TMEM158: variants seen among roughly 807,000 people sequenced by gnomAD.
The protein encoded by TMEM158 is 40 kDa BINP-binding protein.
In TMEM158, 7 loss-of-function variants were observed where a neutral mutation model predicts 12.0. The ratio of observed to expected loss-of-function variants is 0.59; its 90% CI spans 0.33 to 1.10. The LOEUF (loss-of-function observed/expected upper bound fraction) is 1.10, where lower values mean the gene tolerates loss of function less well. TMEM158 is among the 50% of genes least tolerant of loss of function. The pLI is 0.03. For synonymous variants in TMEM158, 209 were observed against 231.1 expected (o/e 0.90, Z 0.87); for missense variants, 405 against 454.7 (o/e 0.89, Z 0.99).
Position 45,225,536 on chromosome 3 carries a change from G to A in TMEM158, c.492C>T (p.Ser164=). 1 of 1,026,318 alleles carries A rather than the reference G, an allele frequency of 9.7e-7. No homozygotes were observed. The highest frequency in any genetic ancestry group is 1.2e-6 in the Non-Finnish European group (1 of 858,132). 63.6% of individuals were successfully genotyped at this position (1,026,318 alleles called of 1,614,324 possible). The change falls in exon 1 of 1, where the codon AGC becomes AGT. Residue 164 remains serine (S), a synonymous_variant. Transcript: ENST00000503771. This position sits in a 1 kb window ranked among gnomAD's most constrained non-coding sequence, Gnocchi z 5.7. ...TGRLRPAAAP[S]AAAATAGAPT... Reference sequence around the variant, plus strand: ...GCGCCCCGGCGGTGGCGGCGGCGGCGCTGGGGGCGGCGGCGGGCCGGAGGC... The same window carrying A: ...GCGCCCCGGCGGTGGCGGCGGCGGCACTGGGGGCGGCGGCGGGCCGGAGGC...
In TMEM158 at chr3:45,225,220, G is replaced by A; in HGVS notation, c.808C>T (p.Pro270Ser). Residue 270 changes from proline (P) to serine (S), a missense_variant, in exon 1 of 1, where the codon CCC (proline) becomes TCC (serine). Pro to Ser is a moderately conservative substitution (Grantham distance 74). Coordinates refer to ENST00000503771, the MANE Select transcript of TMEM158 (RefSeq NM_015444.3). This position sits in a 1 kb window ranked among gnomAD's most constrained non-coding sequence, Gnocchi z 5.7. ...RTTASTTAATPAAVPAGTTAA... is the reference protein window; with the variant it reads ...RTTASTTAATSAAVPAGTTAA... ...GTGGTCCCTGCGGGCACTGCGGCGG[G>A]GGTGGCTGCGGTGGTGCTGGCGGTG... 3 of 1,301,274 alleles carry A rather than the reference G, an allele frequency of 2.3e-6. No individual in the cohort carries two copies. Among genetic ancestry groups the A allele is most frequent in the Non-Finnish European group, 2.9e-6 (3 of 1,019,372 alleles). The allele number at this position is 1,301,274 out of a possible 1,614,324, so 80.6% of individuals were successfully genotyped here.
At position 45,225,147 on chromosome 3, in the gene TMEM158, G is replaced by T; in HGVS notation, c.881C>A (p.Thr294Asn). Reference sequence around the variant, plus strand: ...GGGTCACTTGGTCGCCACCCCCGAAGTGACGGCCGCGGCGGCGGCGGCAGC... The same window carrying T: ...GGGTCACTTGGTCGCCACCCCCGAATTGACGGCCGCGGCGGCGGCGGCAGC... ...AAAAAAAAAV[T>N]SGVATK The change falls in exon 1 of 1, where the codon ACT becomes AAT. Residue 294 changes from threonine to asparagine, a missense_variant. Transcript: ENST00000503771. This position sits in a 1 kb window ranked among gnomAD's most constrained non-coding sequence, Gnocchi z 5.7. 7.9e-7 allele frequency: 1 copy of T among 1,260,872 alleles called. No homozygotes were observed. 78.1% of individuals were successfully genotyped at this position (1,260,872 alleles called of 1,614,324 possible). A position where few individuals can be genotyped will look rare whatever the true frequency, so the allele number is the denominator to read the frequency against.
chr3:45,225,110 G>A lies in TMEM158; in HGVS notation c.*15C>T, dbSNP rs543436539. 7.2e-6 allele frequency: 9 copies of A among 1,248,826 alleles called. No homozygotes were observed. Among genetic ancestry groups the A allele is most frequent in the African/African-American group, 1.6e-5 (1 of 64,112 alleles). The allele number at this position is 1,248,826 out of a possible 1,614,324, so 77.4% of individuals were successfully genotyped here. On this transcript the variant is annotated 3_prime_UTR_variant, in exon 1 of 1. Transcript: ENST00000503771. The surrounding 1 kb of genome is among the most constrained non-coding windows in gnomAD (Gnocchi z 5.7). ...CGCGCGGACACAGGACGGACACAGG[G>A]AGGAGCGGAGCGGGTCACTTGGTCG...
Position 45,226,139 on chromosome 3 carries a change from C to G in TMEM158, c.-112G>C, listed in dbSNP as rs893003335. ...CGGGAGCCGGCGGCCGGGCGCAGTG[C>G]GGGCGCGCCGGGCGCCTGCCAAGCC... On this transcript the variant is annotated 5_prime_UTR_variant, in exon 1 of 1. Transcript: ENST00000503771. The G allele has an allele frequency of 1.0e-6, 1 of 979,592 alleles. No homozygotes were observed. Among genetic ancestry groups the G allele is most frequent in the Non-Finnish European group, 1.2e-6 (1 of 827,206 alleles). The allele number at this position is 979,592 out of a possible 1,614,324, so 60.7% of individuals were successfully genotyped here.
Position 45,224,995 on chromosome 3 carries a change from C to G in TMEM158, c.*130G>C, listed in dbSNP as rs1477682536. The G allele has an allele frequency of 8.4e-7, 1 of 1,188,410 alleles. No homozygotes were observed. Among genetic ancestry groups the G allele is most frequent in the Non-Finnish European group, 1.0e-6 (1 of 959,266 alleles). The allele number at this position is 1,188,410 out of a possible 1,614,324, so 73.6% of individuals were successfully genotyped here. A position where few individuals can be genotyped will look rare whatever the true frequency, so the allele number is the denominator to read the frequency against. On this transcript the variant is annotated 3_prime_UTR_variant, in exon 1 of 1. Coordinates refer to ENST00000503771, the MANE Select transcript of TMEM158 (RefSeq NM_015444.3). ...CCTTGCTTTTCAAAGGCGCTGGGGT[C>G]TCTCGGCGGCCCCATCTCGGGAAGA...
rs371059509 is a variant in TMEM158, at chr3:45,225,395, C to T, written c.633G>A (p.Pro211=). The T allele has an allele frequency of 6.7e-7, 1 of 1,489,864 alleles. No individual in the cohort carries two copies. Among genetic ancestry groups the T allele is most frequent in the Non-Finnish European group, 9.0e-7 (1 of 1,113,004 alleles). The allele number at this position is 1,489,864 out of a possible 1,614,324, so 92.3% of individuals were successfully genotyped here. A position where few individuals can be genotyped will look rare whatever the true frequency, so the allele number is the denominator to read the frequency against. ...DFSLEELQGE[P]GWRLNRKPIE... is the part of the protein sequence containing the mutation. The stretch of plus-strand genomic sequence containing the variant: ...TGGGCTTACGGTTCAGCCGCCAGCC[C>T]GGCTCGCCCTGCAGCTCCTCCAGGC... Residue 211 remains proline, a synonymous_variant, in exon 1 of 1, where the codon CCG becomes CCA. Coordinates refer to ENST00000503771, the MANE Select transcript of TMEM158 (RefSeq NM_015444.3). The surrounding 1 kb of genome is among the most constrained non-coding windows in gnomAD (Gnocchi z 5.7).
rs1700155915 is a variant in TMEM158, at chr3:45,225,958, CCGCGGCCCCGCCG to C, written c.57_69del (p.Gly20ThrfsTer60). 1 of 1,128,132 alleles carries C rather than the reference CCGCGGCCCCGCCG, an allele frequency of 8.9e-7. No homozygotes were observed. The highest frequency in any genetic ancestry group is 1.1e-6 in the Non-Finnish European group (1 of 924,204). 69.9% of individuals were successfully genotyped at this position (1,128,132 alleles called of 1,614,324 possible). Reference sequence around the variant, plus strand: ...GGCACCCCGAGGAGGCCGGGCGCGTCCGCGGCCCCGCCGCGGACGGGCGGCAGCGGGCAGGCGG... The same window carrying C: ...GGCACCCCGAGGAGGCCGGGCGCGTCCGGACGGGCGGCAGCGGGCAGGCGG... On this transcript the variant is annotated frameshift_variant, in exon 1 of 1. Transcript: ENST00000503771. LOFTEE classifies it high-confidence loss of function. This position sits in a 1 kb window ranked among gnomAD's most constrained non-coding sequence, Gnocchi z 5.7.
Position 45,225,331 on chromosome 3 carries a change from T to G in TMEM158, c.697A>C (p.Ile233Leu). Residue 233 changes from isoleucine to leucine, a missense_variant, in exon 1 of 1, where the codon ATC becomes CTC. Physicochemically the swap from Ile to Leu is conservative, Grantham distance 5. Coordinates refer to ENST00000503771, the MANE Select transcript of TMEM158 (RefSeq NM_015444.3). The surrounding 1 kb of genome is among the most constrained non-coding windows in gnomAD (Gnocchi z 5.7). Reference sequence around the variant, plus strand: ...AGGGCGGCCACGCTCCACACCACGATGACCAGGGTCATGAAGCAGGCCACC... The same window carrying G: ...AGGGCGGCCACGCTCCACACCACGAGGACCAGGGTCATGAAGCAGGCCACC... ...TLVACFMTLV[I>L]VVWSVAALIW... The G allele has an allele frequency of 6.6e-7, 1 of 1,522,088 alleles. No individual in the cohort carries two copies. 94.3% of individuals were successfully genotyped at this position (1,522,088 alleles called of 1,614,324 possible).
rs767502076 is a variant in TMEM158, at chr3:45,225,762, C to A, written c.266G>T (p.Arg89Leu). Residue 89 changes from arginine to leucine, a missense_variant, in exon 1 of 1, where the codon CGC becomes CTC. By Grantham distance (102) the Arg-to-Leu change is moderately radical. Coordinates refer to ENST00000503771, the MANE Select transcript of TMEM158 (RefSeq NM_015444.3). The surrounding 1 kb of genome is among the most constrained non-coding windows in gnomAD (Gnocchi z 5.7). ...QRQMLSSLLV[R>L]WGRPRGFQCD... ...CTGGAAGCCCCGCGGGCGGCCCCAG[C>A]GCACGAGCAGCGAGCTCAGCATCTG... is the stretch of plus-strand genomic sequence containing the variant. 2.8e-6 allele frequency: 4 copies of A among 1,430,458 alleles called. No individual in the cohort carries two copies. The South Asian group carries it at 4.0e-5, about 14-fold the overall frequency. 88.6% of individuals were successfully genotyped at this position (1,430,458 alleles called of 1,614,324 possible).
Position 45,225,611 on chromosome 3 carries a change from G to T in TMEM158, c.417C>A (p.Asp139Glu). ...LGLAAGGAQQDLRLCVGCGWV... is the reference protein window; with the variant it reads ...LGLAAGGAQQELRLCVGCGWV... ...AGCCGCAGCCCACGCAGAGGCGCAG[G>T]TCCTGCTGCGCGCCGCCCGCCGCCA... The change falls in exon 1 of 1, where the codon GAC (aspartate) becomes GAA (glutamate). Residue 139 changes from aspartate to glutamate, a missense_variant. Coordinates refer to ENST00000503771, the MANE Select transcript of TMEM158 (RefSeq NM_015444.3). This position sits in a 1 kb window ranked among gnomAD's most constrained non-coding sequence, Gnocchi z 5.7. The T allele has an allele frequency of 7.3e-7, 1 of 1,372,188 alleles. No individual in the cohort carries two copies. Among genetic ancestry groups the T allele is most frequent in the Non-Finnish European group, 9.4e-7 (1 of 1,058,440 alleles). The allele number at this position is 1,372,188 out of a possible 1,614,324, so 85.0% of individuals were successfully genotyped here.
Position 45,225,968 on chromosome 3 carries a change from GCCGCGGAC to G in TMEM158, c.52_59del (p.Val18ArgfsTer198). 2 of 1,090,082 alleles carry G rather than the reference GCCGCGGAC, an allele frequency of 1.8e-6. No individual in the cohort carries two copies. The highest frequency in any genetic ancestry group is 2.2e-6 in the Non-Finnish European group (2 of 896,036). The allele number at this position is 1,090,082 out of a possible 1,614,324, so 67.5% of individuals were successfully genotyped here. A position where few individuals can be genotyped will look rare whatever the true frequency, so the allele number is the denominator to read the frequency against. On this transcript the variant is annotated frameshift_variant, in exon 1 of 1. Coordinates refer to ENST00000503771, the MANE Select transcript of TMEM158 (RefSeq NM_015444.3). LOFTEE classifies it high-confidence loss of function. The surrounding 1 kb of genome is among the most constrained non-coding windows in gnomAD (Gnocchi z 5.7). ...GGAGGCCGGGCGCGTCCGCGGCCCC[GCCGCGGAC>G]GGGCGGCAGCGGGCAGGCGGCGGCC...
In TMEM158 at chr3:45,225,155, C is replaced by CGCG. The variant is rs890641873; in HGVS notation, c.870_872dup (p.Ala292dup). ...TGGTCGCCACCCCCGAAGTGACGGC[C>CGCG]GCGGCGGCGGCGGCAGCGGCGGCGG... On this transcript the variant is annotated inframe_insertion, in exon 1 of 1. Transcript: ENST00000503771. The surrounding 1 kb of genome is among the most constrained non-coding windows in gnomAD (Gnocchi z 5.7). The CGCG allele has an allele frequency of 3.1e-5, 39 of 1,261,982 alleles. No individual in the cohort carries two copies. The highest frequency in any genetic ancestry group is 2.3e-4 in the South Asian group (6 of 26,086). The allele number at this position is 1,261,982 out of a possible 1,614,324, so 78.2% of individuals were successfully genotyped here. A position where few individuals can be genotyped will look rare whatever the true frequency, so the allele number is the denominator to read the frequency against.
rs1255138192 is a variant in TMEM158 at position 45,225,374 on chromosome 3, C to T, written c.654G>A (p.Lys218=). ...AGGCCACCAGCGTGGACTCAATGGG[C>T]TTACGGTTCAGCCGCCAGCCCGGCT... is the stretch of plus-strand genomic sequence containing the variant. The part of the protein sequence containing the change: ...QGEPGWRLNR[K]PIESTLVACF... The change falls in exon 1 of 1, where the codon AAG becomes AAA. Residue 218 remains lysine (K), a synonymous_variant. Coordinates refer to ENST00000503771, the MANE Select transcript of TMEM158 (RefSeq NM_015444.3). This position sits in a 1 kb window ranked among gnomAD's most constrained non-coding sequence, Gnocchi z 5.7. 1.3e-6 allele frequency: 2 copies of T among 1,519,962 alleles called. No individual in the cohort carries two copies. Among genetic ancestry groups the T allele is most frequent in the Non-Finnish European group, 8.8e-7 (1 of 1,130,704 alleles). 94.2% of individuals were successfully genotyped at this position (1,519,962 alleles called of 1,614,324 possible). A position where few individuals can be genotyped will look rare whatever the true frequency, so the allele number is the denominator to read the frequency against.
chr3:45,225,199 T>A lies in TMEM158; in HGVS notation c.829A>T (p.Thr277Ser). 1 of 1,276,090 alleles carries A rather than the reference T, an allele frequency of 7.8e-7. No individual in the cohort carries two copies. The allele number at this position is 1,276,090 out of a possible 1,614,324, so 79.0% of individuals were successfully genotyped here. A position where few individuals can be genotyped will look rare whatever the true frequency, so the allele number is the denominator to read the frequency against. The change falls in exon 1 of 1, where the codon ACC (threonine) becomes TCC (serine). Residue 277 changes from threonine (T) to serine (S), a missense_variant. Physicochemically the swap from Thr to Ser is moderately conservative, Grantham distance 58. Coordinates refer to ENST00000503771, the MANE Select transcript of TMEM158 (RefSeq NM_015444.3). The surrounding 1 kb of genome is among the most constrained non-coding windows in gnomAD (Gnocchi z 5.7). ...AATPAAVPAG[T>S]TAAAAAAAAA... Reference sequence around the variant, plus strand: ...GCGGCGGCGGCGGCGGCTGCGGTGGTCCCTGCGGGCACTGCGGCGGGGGTG... The same window carrying A: ...GCGGCGGCGGCGGCGGCTGCGGTGGACCCTGCGGGCACTGCGGCGGGGGTG...
rs2125632534 is a variant in TMEM158 at position 45,225,156 on chromosome 3, G to A, written c.872C>T (p.Ala291Val). The change falls in exon 1 of 1, where the codon GCG becomes GTG. Residue 291 changes from alanine to valine, a missense_variant. Physicochemically the swap from Ala to Val is moderately conservative, Grantham distance 64 (BLOSUM62 0). Coordinates refer to ENST00000503771, the MANE Select transcript of TMEM158 (RefSeq NM_015444.3). This position sits in a 1 kb window ranked among gnomAD's most constrained non-coding sequence, Gnocchi z 5.7. ...AAAAAAAAAA[A>V]AVTSGVATK is the part of the protein sequence containing the mutation. ...GGTCGCCACCCCCGAAGTGACGGCC[G>A]CGGCGGCGGCGGCAGCGGCGGCGGC... 1 of 1,256,012 alleles carries A rather than the reference G, an allele frequency of 8.0e-7. No individual in the cohort carries two copies. Among genetic ancestry groups the A allele is most frequent in the Non-Finnish European group, 1.0e-6 (1 of 1,004,034 alleles). 77.8% of individuals were successfully genotyped at this position (1,256,012 alleles called of 1,614,324 possible).
At position 45,225,182 on chromosome 3, in the gene TMEM158, G is replaced by T; in HGVS notation, c.846C>A (p.Ala282=). Reference sequence around the variant, plus strand: ...CGGCGGCGGCGGCAGCGGCGGCGGCGGCGGCGGCTGCGGTGGTCCCTGCGG... The same window carrying T: ...CGGCGGCGGCGGCAGCGGCGGCGGCTGCGGCGGCTGCGGTGGTCCCTGCGG... ...AVPAGTTAAA[A]AAAAAAAAAA... Residue 282 remains alanine (A), a synonymous_variant, in exon 1 of 1, where the codon GCC becomes GCA. Transcript: ENST00000503771. This position sits in a 1 kb window ranked among gnomAD's most constrained non-coding sequence, Gnocchi z 5.7. The T allele has an allele frequency of 7.9e-7, 1 of 1,268,098 alleles. No individual in the cohort carries two copies. Among genetic ancestry groups the T allele is most frequent in the Non-Finnish European group, 9.9e-7 (1 of 1,011,016 alleles). 78.6% of individuals were successfully genotyped at this position (1,268,098 alleles called of 1,614,324 possible).
At position 45,225,761 on chromosome 3, in the gene TMEM158, G is replaced by T; in HGVS notation, c.267C>A (p.Arg89=). 7.0e-7 allele frequency: 1 copy of T among 1,432,046 alleles called. No individual in the cohort carries two copies. 88.7% of individuals were successfully genotyped at this position (1,432,046 alleles called of 1,614,324 possible). The change falls in exon 1 of 1, where the codon CGC becomes CGA. Residue 89 remains arginine (R), a synonymous_variant. Transcript: ENST00000503771. The surrounding 1 kb of genome is among the most constrained non-coding windows in gnomAD (Gnocchi z 5.7). The part of the protein sequence containing the change: ...QRQMLSSLLV[R]WGRPRGFQCD... The stretch of plus-strand genomic sequence containing the variant: ...ACTGGAAGCCCCGCGGGCGGCCCCA[G>T]CGCACGAGCAGCGAGCTCAGCATCT...
chr3:45,225,722 G>C lies in TMEM158; in HGVS notation c.306C>G (p.Leu102=), dbSNP rs759624437. The change falls in exon 1 of 1, where the codon CTC becomes CTG. Residue 102 remains leucine (L), a synonymous_variant. Transcript: ENST00000503771. The surrounding 1 kb of genome is among the most constrained non-coding windows in gnomAD (Gnocchi z 5.7). ...CGCGGCCGTGCGCGTTGGTGGAGAA[G>C]AGCAGTAGGTCGCACTGGAAGCCCC... ...RPRGFQCDLL[L]FSTNAHGRAF... 201 of 1,463,120 alleles carry C rather than the reference G, an allele frequency of 1.4e-4. No homozygotes were observed. The highest frequency in any genetic ancestry group is 5.5e-4 in the Middle Eastern group (3 of 5,408). 90.6% of individuals were successfully genotyped at this position (1,463,120 alleles called of 1,614,324 possible). A position where few individuals can be genotyped will look rare whatever the true frequency, so the allele number is the denominator to read the frequency against.
rs1339879982 is a variant in TMEM158 at position 45,225,907 on chromosome 3, A to C, written c.121T>G (p.Ser41Ala). The change falls in exon 1 of 1, where the codon TCC becomes GCC. Residue 41 changes from serine to alanine, a missense_variant. Coordinates refer to ENST00000503771, the MANE Select transcript of TMEM158 (RefSeq NM_015444.3). This position sits in a 1 kb window ranked among gnomAD's most constrained non-coding sequence, Gnocchi z 5.7. ...CGCGGGGCGATGGGCTCGTCCGCGGAGGACGCGTTGACTGAAGCATTGGAG... is the reference window on the plus strand; with the variant it reads ...CGCGGGGCGATGGGCTCGTCCGCGGCGGACGCGTTGACTGAAGCATTGGAG... ...VPSNASVNAS[S>A]ADEPIAPRLL... 1 of 1,187,798 alleles carries C rather than the reference A, an allele frequency of 8.4e-7. No homozygotes were observed. Among genetic ancestry groups the C allele is most frequent in the Non-Finnish European group, 1.0e-6 (1 of 963,760 alleles). 73.6% of individuals were successfully genotyped at this position (1,187,798 alleles called of 1,614,324 possible).
Sources: gnomAD v4.1 joint callset for allele counts on GRCh38, gnomAD v4.1.1 for gene constraint, Gnocchi (gnomAD v3.1) non-coding constraint, MANE v1.5 for transcripts, NCBI Gene and HGNC (gene_info 2026-07-23, HGNC 2026-07-21) for gene names.